Variants in YWHAQ observed in about 807,000 individuals in gnomAD.
YWHAQ encodes the protein tyrosine 3-monooxygenase/tryptophan 5-monooxygenase activation protein theta, also known as 14-3-3 protein theta.
In YWHAQ, 6 loss-of-function variants were observed where a neutral mutation model predicts 28.3. That is an observed-to-expected ratio of 0.21 (90% CI 0.12 to 0.42). The LOEUF (loss-of-function observed/expected upper bound fraction) is 0.42. Among genes scored for constraint, YWHAQ ranks in the 10% least tolerant of loss-of-function variants. The pLI is 1.00. For missense variants in YWHAQ, 201 were observed against 305.6 expected (o/e 0.66, Z 2.55); for synonymous variants, 143 against 119.1 (o/e 1.20, Z -1.31).
chr2:9,629,523 A>G (rs930746194), intron 2 of YWHAQ, among the ~76,000 whole-genome samples: 4 of 152,210 alleles, frequency 2.6e-5, no homozygotes, highest in Admixed American at 2.6e-4. Flanking sequence ...CTAGTGTTTA[A>G]GCACAGGTGT....
chr2:9,619,291 C>T (rs1055354202), intron 2 of YWHAQ, among the ~76,000 whole-genome samples: 8 of 152,224 alleles, frequency 5.3e-5, no homozygotes, highest in African/African-American at 1.7e-4. Flanking sequence ...TACAGCTGAT[C>T]GTCAACAACA....
intron 4 of YWHAQ, among the ~76,000 whole-genome samples, chr2:9,587,943 G>A (rs1397359643): frequency 6.6e-6 from 1 of 152,094 alleles, no homozygotes; most frequent in Non-Finnish European, 1.5e-5. Context: ...TGATTACTCT[G>A]CTCAGTATGC....
At position 9,599,512 on chromosome 2, in the gene YWHAQ, AT is replaced by A. The variant is rs1666645175; in HGVS notation, c.295-7998del. ...AGCTGGTGACTTTAAGATGAAGCCAATGCTCATTTAGCATTCCAAAAATCCT... is the reference window on the plus strand; with the variant it reads ...AGCTGGTGACTTTAAGATGAAGCCAAGCTCATTTAGCATTCCAAAAATCCT... On this transcript the variant is annotated intron_variant, in intron 2 of 5. Transcript: ENST00000238081. Among the ~76,000 whole-genome samples, 3 of 152,186 alleles carry A rather than the reference AT, an allele frequency of 2.0e-5. No homozygotes were observed. The South Asian group carries it at 6.2e-4, about 32-fold the overall frequency.
intron 2 of YWHAQ, among the ~76,000 whole-genome samples, chr2:9,605,549 C>T (rs1373769811): frequency 6.6e-6 from 1 of 152,118 alleles, no homozygotes; most frequent in Non-Finnish European, 1.5e-5. Context: ...GTTTCTTGTA[C>T]ATTCTTTTTG....
chr2:9,611,148 C>A (rs901575932), intron 2 of YWHAQ, among the ~76,000 whole-genome samples: 3 of 152,086 alleles, frequency 2.0e-5, no homozygotes, highest in Non-Finnish European at 4.4e-5. Flanking sequence ...ACTGAAGGAT[C>A]CAATGTACAG....
chr2:9,594,953 C>T (rs1666540133), intron 2 of YWHAQ, among the ~76,000 whole-genome samples: 1 of 152,220 alleles, frequency 6.6e-6, no homozygotes. Flanking sequence ...GCATTCATTA[C>T]AACACAGCCA....
At chr2:9,629,110 C>A (rs1167669942) in intron 2 of YWHAQ, among the ~76,000 whole-genome samples, 1 of 151,796 alleles carries the variant, frequency 6.6e-6, no homozygotes, top group Non-Finnish European at 1.5e-5. Flanking sequence ...CTTCCATTCC[C>A]TTTTGAAAAA....
At chr2:9,593,814 C>A (rs940482269) in intron 2 of YWHAQ, among the ~76,000 whole-genome samples, 4 of 149,636 alleles carry the variant, frequency 2.7e-5, no homozygotes, top group Non-Finnish European at 5.9e-5. Flanking sequence ...GGAGACAGAG[C>A]AAAAGAGATC....
chr2:9,594,682 G>C (rs1428270037), intron 2 of YWHAQ, among the ~76,000 whole-genome samples: 1 of 152,152 alleles, frequency 6.6e-6, no homozygotes, highest in East Asian at 1.9e-4. Context: ...GCCAGCTCTG[G>C]TGAAGATATT....
intron 2 of YWHAQ, among the ~76,000 whole-genome samples, chr2:9,598,011 T>TTTTTTTTTTTTTTTTTTTTTTTG (rs1397521514): frequency 7.3e-6 from 1 of 137,102 alleles, no homozygotes; most frequent in Non-Finnish European, 1.6e-5. Flanking sequence ...TTTTTTTTTT[T>TTTTTTTTTTTTTTTTTTTTTTTG]TTAGTAGAGA....
chr2:9,600,064 T>G (rs763924839), intron 2 of YWHAQ, among the ~76,000 whole-genome samples: 1 of 152,222 alleles, frequency 6.6e-6, no homozygotes, highest in Non-Finnish European at 1.5e-5. Context: ...TTGAGGACTT[T>G]TAAGATTTCA....
At chr2:9,588,764 C>G (rs1044588977) in intron 3 of YWHAQ, among the ~76,000 whole-genome samples, 2 of 152,024 alleles carry the variant, frequency 1.3e-5, no homozygotes, top group Non-Finnish European at 2.9e-5. Flanking sequence ...GAACGATACT[C>G]TGTGTCAAAA....
At chr2:9,586,782 C>A (rs564285494) in intron 5 of YWHAQ, among the ~76,000 whole-genome samples, 2 of 152,312 alleles carry the variant, frequency 1.3e-5, no homozygotes, top group South Asian at 4.1e-4. Flanking sequence ...TTGTTCCCTT[C>A]TTTTTCCTTC....
intron 5 of YWHAQ, among the ~76,000 whole-genome samples, chr2:9,586,753 G>A (rs1666350247): frequency 1.3e-5 from 2 of 152,254 alleles, no homozygotes; most frequent in Admixed American, 6.5e-5. Flanking sequence ...CTGGGAGGAC[G>A]AGATCTATAT....
At chr2:9,601,237 GGA>G (rs1666685950) in intron 2 of YWHAQ, among the ~76,000 whole-genome samples, 1 of 152,156 alleles carries the variant, frequency 6.6e-6, no homozygotes, top group Non-Finnish European at 1.5e-5. Context: ...CATGGTGGGT[GGA>G]TCACCTGAAG....
At chr2:9,591,341 C>T (rs780590064) in intron 3 of YWHAQ, 51 bp downstream of exon 3, 3 of 1,581,054 alleles carry the variant, frequency 1.9e-6, no homozygotes, top group Non-Finnish European at 2.6e-6. Context: ...CCATTTATCC[C>T]CATTTCTTTT....
intron 2 of YWHAQ, among the ~76,000 whole-genome samples, chr2:9,609,296 A>T (rs562536017): frequency 4.5e-4 from 68 of 151,480 alleles, no homozygotes; most frequent in Non-Finnish European, 8.7e-4. Flanking sequence ...CTTTTAGAAT[A>T]AAAAAAAATG....
rs112503086 is a variant in YWHAQ at position 9,618,313 on chromosome 2, A to G, written c.294+11846T>C. Reference sequence around the variant, plus strand: ...CTCCAAGTTTTTACATAAGGACAACAAAAAACAAGATAGCTTCTCTAACAA... The same window carrying G: ...CTCCAAGTTTTTACATAAGGACAACGAAAAACAAGATAGCTTCTCTAACAA... On this transcript the variant is annotated intron_variant, in intron 2 of 5. Transcript: ENST00000238081. Among the ~76,000 whole-genome samples the G allele has an allele frequency of 5.9e-3, 895 of 152,348 alleles. 9 individuals carry two copies. Among genetic ancestry groups the G allele is most frequent in the South Asian group, 0.024 (118 of 4,828 alleles).
At chr2:9,589,722 T>C (rs1666421579) in intron 3 of YWHAQ, among the ~76,000 whole-genome samples, 1 of 152,218 alleles carries the variant, frequency 6.6e-6, no homozygotes, top group South Asian at 2.1e-4. Flanking sequence ...TGGTATTATT[T>C]GAAAGGCAAT....
Sources: gnomAD v4.1 joint callset for allele counts (sites outside exome capture counted in the v4.1 genomes callset) on GRCh38, gnomAD v4.1.1 for gene constraint, MANE v1.5 for transcripts, NCBI Gene and HGNC (gene_info 2026-07-23, HGNC 2026-07-21) for gene names.